The following SLC7A14 variants were observed in gnomAD, a reference collection of about 807,000 sequenced individuals.
The protein encoded by SLC7A14 is gamma-aminobutyric acid transporter SLC7A14.
A neutral mutation model predicts 60.2 loss-of-function variants in SLC7A14; 37 were observed. The observed-to-expected ratio is 0.61, with a 90% CI of 0.47 to 0.81. SLC7A14 has a LOEUF of 0.81. Ranked by LOEUF, SLC7A14 falls within the 30% of genes least tolerant of loss-of-function variation. SLC7A14 has a pLI of 0.00. For synonymous variants in SLC7A14, 399 were observed against 395.8 expected (o/e 1.01, Z -0.10); for missense variants, 886 against 982.7 (o/e 0.90, Z 1.32).
rs558872552 is a variant in SLC7A14 at position 170,584,783 on chromosome 3, C to T, written c.-153+1128G>A. Among the ~76,000 whole-genome samples, 48 of 152,264 alleles carry T rather than the reference C, an allele frequency of 3.2e-4. 1 individual carries two copies. The highest frequency in any genetic ancestry group is 9.4e-4 in the African/African-American group (39 of 41,566). On this transcript the variant is annotated intron_variant, in intron 1 of 7. Transcript: ENST00000231706. The stretch of plus-strand genomic sequence containing the variant: ...ACCTTGCCCCCAGCGCTCTCCTAGA[C>T]CCTATACCTAGGGGGAGGCAGGGTG...
chr3:170,548,839 C>A (rs1714251559), intron 1 of SLC7A14, among the ~76,000 whole-genome samples: 1 of 152,154 alleles, frequency 6.6e-6, no homozygotes, highest in Non-Finnish European at 1.5e-5. Context: ...TTTATTATAG[C>A]ACTCTGCACT....
chr3:170,558,832 T>C (rs73163894), intron 1 of SLC7A14, among the ~76,000 whole-genome samples: 13,310 of 152,250 alleles, frequency 0.087, 730 homozygotes, highest in African/African-American at 0.15. Context: ...GGTTATACTA[T>C]AAAAATGGCT....
intron 4 of SLC7A14, among the ~76,000 whole-genome samples, chr3:170,493,261 A>G (rs1048417863): frequency 2.0e-5 from 3 of 152,244 alleles, no homozygotes; most frequent in Non-Finnish European, 4.4e-5. Context: ...TCAAGACCAC[A>G]GAAGCATTTG....
intron 1 of SLC7A14, among the ~76,000 whole-genome samples, chr3:170,571,757 A>G (rs1201830261): frequency 1.3e-5 from 2 of 152,176 alleles, no homozygotes; most frequent in Admixed American, 6.5e-5. Flanking sequence ...ATGTAGTGAC[A>G]GTCCTAGAAA....
intron 2 of SLC7A14, among the ~76,000 whole-genome samples, chr3:170,525,708 G>T (rs781405537): frequency 2.0e-5 from 3 of 152,104 alleles, no homozygotes; most frequent in Non-Finnish European, 2.9e-5. Flanking sequence ...CCATTAGAAC[G>T]TGACAGGGAA....
At chr3:170,521,788 T>C (rs566924966) in intron 2 of SLC7A14, among the ~76,000 whole-genome samples, 117 of 152,056 alleles carry the variant, frequency 7.7e-4, no homozygotes, top group African/African-American at 2.4e-3. Flanking sequence ...ATGTGTGATG[T>C]CATGCACCTG....
At chr3:170,510,139 C>T (rs1222974411) in intron 2 of SLC7A14, among the ~76,000 whole-genome samples, 4 of 150,710 alleles carry the variant, frequency 2.7e-5, no homozygotes, top group African/African-American at 7.3e-5. Context: ...CCTGTAATCC[C>T]AGCACTTTGG....
At chr3:170,518,732 G>A (rs1400519421) in intron 2 of SLC7A14, among the ~76,000 whole-genome samples, 5 of 152,296 alleles carry the variant, frequency 3.3e-5, no homozygotes, top group African/African-American at 1.2e-4. Context: ...GGATGAACTT[G>A]GAGGGTGATG....
At position 170,498,657 on chromosome 3, in the gene SLC7A14, A is replaced by G; in HGVS notation, c.759+10T>C. The G allele has an allele frequency of 6.2e-7, 1 of 1,613,888 alleles. No individual in the cohort carries two copies. The highest frequency in any genetic ancestry group is 8.5e-7 in the Non-Finnish European group (1 of 1,179,872). On this transcript the variant is annotated intron_variant, in intron 4 of 7. Transcript: ENST00000231706. ...GTGACAGGCACACCAGGTGTTTGGA[A>G]CAAACTTACCCCTGACCAGCCGTGG...
At chr3:170,584,305 A>G (rs1715317304) in intron 1 of SLC7A14, among the ~76,000 whole-genome samples, 1 of 152,224 alleles carries the variant, frequency 6.6e-6, no homozygotes, top group African/African-American at 2.4e-5. Flanking sequence ...AAGAAGAGGA[A>G]AAAGCTACAA....
intron 2 of SLC7A14, among the ~76,000 whole-genome samples, chr3:170,516,362 G>T (rs1713158747): frequency 6.6e-6 from 1 of 151,994 alleles, no homozygotes; most frequent in Admixed American, 6.6e-5. Flanking sequence ...TGAGGTACAG[G>T]GTCTTTTGAA....
intron 6 of SLC7A14, among the ~76,000 whole-genome samples, chr3:170,481,853 C>A (rs1404018242): frequency 6.6e-6 from 1 of 152,142 alleles, no homozygotes; most frequent in Non-Finnish European, 1.5e-5. Flanking sequence ...AAGTCATGGA[C>A]CTGCTTGGGG....
intron 2 of SLC7A14, among the ~76,000 whole-genome samples, chr3:170,508,106 A>T (rs919704238): frequency 6.6e-6 from 1 of 152,228 alleles, no homozygotes; most frequent in East Asian, 1.9e-4. Context: ...TATCCCATGC[A>T]CTGGTAAGGG....
intron 2 of SLC7A14, among the ~76,000 whole-genome samples, chr3:170,512,849 G>GA (rs1362112093): frequency 6.6e-6 from 1 of 151,660 alleles, no homozygotes; most frequent in African/African-American, 2.4e-5. Flanking sequence ...ATTTTTAGTA[G>GA]AGACGGGGTT....
At chr3:170,500,620 G>C (rs1041914335) in intron 3 of SLC7A14, among the ~76,000 whole-genome samples, 2 of 151,498 alleles carry the variant, frequency 1.3e-5, no homozygotes, top group Non-Finnish European at 2.9e-5. Flanking sequence ...TTGAAATTTG[G>C]AAAAAAAATC....
At chr3:170,476,767 A>G (rs759711) in intron 7 of SLC7A14, 46,673 of 152,082 alleles carry the variant, frequency 0.31, 8,166 homozygotes, top group African/African-American at 0.47. Context: ...CTGCATTTTT[A>G]CAGATAAGTA....
At chr3:170,469,996 A>G (rs1739840966) in intron 7 of SLC7A14, among the ~76,000 whole-genome samples, 1 of 152,046 alleles carries the variant, frequency 6.6e-6, no homozygotes, top group Non-Finnish European at 1.5e-5. Flanking sequence ...GATTCATATT[A>G]TGGGAATTCT....
In SLC7A14 at chr3:170,464,849, A is replaced by T. The variant is rs1739682171; in HGVS notation, c.*2206T>A. On this transcript the variant is annotated 3_prime_UTR_variant, in exon 8 of 8. Transcript: ENST00000231706. ...CCACGTTAAGATTTTGCCATTTTGC[A>T]CTCCTATTTCTCTATTCTCATGCTT... 1 of 152,092 alleles carries T rather than the reference A, an allele frequency of 6.6e-6. No individual in the cohort carries two copies. The highest frequency in any genetic ancestry group is 2.4e-5 in the African/African-American group (1 of 41,410). 9.4% of individuals were successfully genotyped at this position (152,092 alleles called of 1,614,324 possible).
chr3:170,579,617 A>C lies in SLC7A14; in HGVS notation c.-153+6294T>G, dbSNP rs11928133. On this transcript the variant is annotated intron_variant, in intron 1 of 7. Coordinates refer to ENST00000231706, the MANE Select transcript of SLC7A14 (RefSeq NM_020949.3). Reference sequence around the variant, plus strand: ...CAGTAATCACCAGTTAAAACCGTTAAAGGGAAGCCTTATTATTCCTGGAAA... The same window carrying C: ...CAGTAATCACCAGTTAAAACCGTTACAGGGAAGCCTTATTATTCCTGGAAA... Among the ~76,000 whole-genome samples, 738 of 152,342 alleles carry C rather than the reference A, an allele frequency of 4.8e-3. 6 individuals are homozygous for C. The highest frequency in any genetic ancestry group is 0.017 in the African/African-American group (709 of 41,572).
Sources: gnomAD v4.1 joint callset for allele counts (sites outside exome capture counted in the v4.1 genomes callset) on GRCh38, gnomAD v4.1.1 for gene constraint, MANE v1.5 for transcripts, NCBI Gene and HGNC (gene_info 2026-07-23, HGNC 2026-07-21) for gene names.